The following VWA8 variants were observed in gnomAD, a reference collection of about 807,000 sequenced individuals.
VWA8 encodes von Willebrand factor A domain containing 8, also known as von Willebrand factor A domain-containing protein 8.
In VWA8, 221 loss-of-function variants were observed where a neutral mutation model predicts 241.5. The observed-to-expected ratio is 0.91, with a 90% CI of 0.82 to 1.02. VWA8 has a LOEUF of 1.02. Ranked by LOEUF, VWA8 falls within the 50% of genes least tolerant of loss-of-function variation. VWA8 has a pLI of 0.00. For missense variants in VWA8, 2,322 were observed against 2,328.7 expected, an observed-to-expected ratio of 1.00 and a Z score of 0.06; for synonymous variants, 852 against 827.1, an observed-to-expected ratio of 1.03 and a Z score of -0.52.
At chr13:41,667,876 TG>T (rs2044996869) in intron 37 of VWA8, among the ~76,000 whole-genome samples, 1 of 152,242 alleles carries the variant, frequency 6.6e-6, no homozygotes, top group Non-Finnish European at 1.5e-5. Context: ...TTTGTTGTTA[TG>T]GTTATTTATT....
At chr13:41,721,642 G>C in intron 24 of VWA8, 67 bp from the exon 25 acceptor site, 1 of 1,504,174 alleles carries the variant, frequency 6.6e-7, no homozygotes, top group Non-Finnish European at 8.9e-7. Flanking sequence ...GGAAAAAATG[G>C]AATGGTTGTT....
At chr13:41,742,908 A>G (rs2045579022) in intron 21 of VWA8, among the ~76,000 whole-genome samples, 1 of 152,200 alleles carries the variant, frequency 6.6e-6, no homozygotes, top group Non-Finnish European at 1.5e-5. Flanking sequence ...AAAGAAAGGA[A>G]TCAACATCTG....
intron 27 of VWA8, among the ~76,000 whole-genome samples, chr13:41,702,300 A>G (rs1254550943): frequency 6.6e-6 from 1 of 152,116 alleles, no homozygotes; most frequent in Non-Finnish European, 1.5e-5. Flanking sequence ...TATCTAGTCT[A>G]TATCTTGAGG....
intron 37 of VWA8, among the ~76,000 whole-genome samples, chr13:41,635,877 G>A (rs1053801719): frequency 6.6e-6 from 1 of 152,092 alleles, no homozygotes; most frequent in African/African-American, 2.4e-5. Flanking sequence ...CAGCAGGGGG[G>A]TGCTGAGTTA....
intron 43 of VWA8, among the ~76,000 whole-genome samples, chr13:41,571,425 T>C (rs903976895): frequency 2.0e-5 from 3 of 151,098 alleles, no homozygotes; most frequent in African/African-American, 7.3e-5. Flanking sequence ...ACTGCCGCCA[T>C]CTCGGCTCAC....
chr13:41,691,841 T>C (rs373446261), intron 31 of VWA8, 33 bp downstream of exon 31: 310 of 1,511,090 alleles, frequency 2.1e-4, no homozygotes, highest in Non-Finnish European at 2.2e-4. Context: ...AAATAAGAAC[T>C]CCAGTTTAAA....
intron 37 of VWA8, among the ~76,000 whole-genome samples, chr13:41,617,275 C>T (rs904307695): frequency 2.6e-5 from 4 of 152,130 alleles, no homozygotes; most frequent in South Asian, 4.2e-4. Context: ...CCTGCCACCA[C>T]GCCCAGCTAA....
chr13:41,585,130 T>G (rs1445309797), intron 42 of VWA8, among the ~76,000 whole-genome samples: 1 of 152,192 alleles, frequency 6.6e-6, no homozygotes, highest in Non-Finnish European at 1.5e-5. Context: ...TTCCTTGATA[T>G]TGTTCCTTTT....
At chr13:41,648,954 C>A (rs186075694) in intron 37 of VWA8, among the ~76,000 whole-genome samples, 1 of 152,090 alleles carries the variant, frequency 6.6e-6, no homozygotes, top group African/African-American at 2.4e-5. Context: ...GAGGCCAAGG[C>A]GGGTGGATCA....
intron 21 of VWA8, among the ~76,000 whole-genome samples, chr13:41,749,938 G>A (rs1052295220): frequency 1.3e-5 from 2 of 151,856 alleles, no homozygotes; most frequent in African/African-American, 4.8e-5. Context: ...ATGAGTTAGT[G>A]GGTGCAGCAC....
chr13:41,879,092 G>A (rs150077415), intron 9 of VWA8, among the ~76,000 whole-genome samples: 45 of 152,192 alleles, frequency 3.0e-4, no homozygotes, highest in African/African-American at 4.3e-4. Flanking sequence ...CTGGAGTCAC[G>A]ACCTTTGATC....
intron 15 of VWA8, among the ~76,000 whole-genome samples, chr13:41,818,645 T>G (rs570890171): frequency 3.3e-5 from 5 of 152,246 alleles, no homozygotes; most frequent in Non-Finnish European, 5.9e-5. Flanking sequence ...ACTCCAAAAG[T>G]GCTAACCACA....
intron 37 of VWA8, among the ~76,000 whole-genome samples, chr13:41,616,428 C>T (rs1406284827): frequency 2.0e-5 from 3 of 152,076 alleles, no homozygotes; most frequent in African/African-American, 7.2e-5. Flanking sequence ...TAATCATGCT[C>T]TAAAAATGGG....
Position 41,732,150 on chromosome 13 carries a change from G to A in VWA8, c.2432C>T (p.Thr811Ile), listed in dbSNP as rs1456025958. Reference sequence around the variant, plus strand: ...CTGAAGCGTAAGAGTTTGTACTGTGGTATCCCTAAAGTAAAACCAACACAT... The same window carrying A: ...CTGAAGCGTAAGAGTTTGTACTGTGATATCCCTAAAGTAAAACCAACACAT... The part of the protein sequence containing the change: ...PREYIQLHRD[T>I]TVQTLTLQPS... The change falls in exon 22 of 45, where the codon ACC becomes ATC. Residue 811 changes from threonine to isoleucine, a missense_variant. Coordinates refer to ENST00000379310, the MANE Select transcript of VWA8 (RefSeq NM_015058.2). 5 of 1,611,242 alleles carry A rather than the reference G, an allele frequency of 3.1e-6. No homozygotes were observed. The highest frequency in any genetic ancestry group is 3.4e-6 in the Non-Finnish European group (4 of 1,178,486).
chr13:41,746,011 C>T (rs1024094748), intron 21 of VWA8, among the ~76,000 whole-genome samples: 11 of 151,778 alleles, frequency 7.2e-5, no homozygotes, highest in Non-Finnish European at 4.4e-5. Context: ...TAATAGTGAT[C>T]GACTTGAGGA....
chr13:41,923,400 G>A (rs546485153), intron 2 of VWA8, among the ~76,000 whole-genome samples: 18 of 152,090 alleles, frequency 1.2e-4, no homozygotes, highest in Admixed American at 9.2e-4. Flanking sequence ...TAACCTGCAC[G>A]TTGTGCACAT....
intron 41 of VWA8, among the ~76,000 whole-genome samples, chr13:41,589,644 T>G (rs1484048300): frequency 2.0e-5 from 3 of 152,214 alleles, no homozygotes; most frequent in African/African-American, 7.2e-5. Context: ...TGTCTAAAGT[T>G]CAGAGCTCCA....
In VWA8 at chr13:41,859,270, TAA is replaced by T. The variant is rs933031443; in HGVS notation, c.1425+6464_1425+6465del. Among the ~76,000 whole-genome samples, 34 of 151,450 alleles carry T rather than the reference TAA, an allele frequency of 2.2e-4. 1 individual carries two copies. The highest frequency in any genetic ancestry group is 7.9e-4 in the Admixed American group (12 of 15,198). ...ACCAATAAAAACAAAGGAGAGAGAA[TAA>T]AAGAATAAAAATATTTCCACTATAT... On this transcript the variant is annotated intron_variant, in intron 12 of 44. Transcript: ENST00000379310.
chr13:41,885,970 C>G lies in VWA8; in HGVS notation c.925G>C (p.Gly309Arg), dbSNP rs770368970. The G allele has an allele frequency of 3.1e-6, 5 of 1,607,068 alleles. No homozygotes were observed. In the East Asian group the frequency reaches 9.0e-5, roughly 29 times the overall value. Residue 309 changes from glycine to arginine, a missense_variant, in exon 8 of 45, where the codon GGA becomes CGA. Gly to Arg is a moderately radical substitution (Grantham distance 125). Coordinates refer to ENST00000379310, the MANE Select transcript of VWA8 (RefSeq NM_015058.2). The stretch of plus-strand genomic sequence containing the variant: ...CTATCTAAAGGAAAGTCTGGAAGTC[C>G]AAGAGTAGAAGATTCTTGGGAACAC... The part of the protein sequence containing the change: ...TLCSQESSTL[G>R]LPDFPLDSLA...
Sources: gnomAD v4.1 joint callset for allele counts (sites outside exome capture counted in the v4.1 genomes callset) on GRCh38, gnomAD v4.1.1 for gene constraint, MANE v1.5 for transcripts, NCBI Gene and HGNC (gene_info 2026-07-23, HGNC 2026-07-21) for gene names.